RAB3B: variants seen among roughly 807,000 people sequenced by gnomAD.
RAB3B encodes the protein RAB3B, member RAS oncogene family.
A neutral mutation model predicts 20.5 loss-of-function variants in RAB3B; 11 were observed. That is an observed-to-expected ratio of 0.54 (90% confidence interval 0.34 to 0.89). The LOEUF is 0.89. Among genes scored for constraint, RAB3B ranks in the 40% least tolerant of loss-of-function variants. The probability of loss-of-function intolerance (pLI) is 0.02; values close to 1 mark genes in which losing one functional copy is unlikely to be tolerated. For synonymous variants in RAB3B, 99 were observed against 106.3 expected (o/e 0.93, Z 0.42); for missense variants, 225 against 280.9 (o/e 0.80, Z 1.42).
intron 2 of RAB3B, among the ~76,000 whole-genome samples, chr1:51,950,257 G>A (rs949971581): frequency 1.3e-5 from 2 of 152,208 alleles, no homozygotes; most frequent in Admixed American, 6.5e-5. Context: ...TGAAGGTGGG[G>A]TTTCATCAGG....
chr1:51,983,828 C>T (rs199685413), intron 1 of RAB3B, among the ~76,000 whole-genome samples: 4 of 149,184 alleles, frequency 2.7e-5, no homozygotes, highest in South Asian at 2.1e-4. Flanking sequence ...GGTGTGGTGG[C>T]GCACACCTGT....
At chr1:51,953,392 G>A (rs917653144) in intron 2 of RAB3B, among the ~76,000 whole-genome samples, 1 of 152,196 alleles carries the variant, frequency 6.6e-6, no homozygotes, top group Admixed American at 6.5e-5. Flanking sequence ...CATGAAACAT[G>A]ATTATACTTA....
At chr1:51,984,263 T>TAAAAAAAAA (rs1166997647) in intron 1 of RAB3B, among the ~76,000 whole-genome samples, 4 of 20,676 alleles carry the variant, frequency 1.9e-4, no homozygotes, top group African/African-American at 7.2e-4. Context: ...ACTCTCTAAT[T>TAAAAAAAAA]AAAAAAAAAA....
intron 1 of RAB3B, among the ~76,000 whole-genome samples, chr1:51,984,358 C>T (rs1685126882): frequency 7.0e-6 from 1 of 143,474 alleles, no homozygotes; most frequent in South Asian, 2.2e-4. Context: ...CATTATATTC[C>T]ATCCTATAGA....
intron 2 of RAB3B, among the ~76,000 whole-genome samples, chr1:51,949,197 A>G (rs1684602718): frequency 6.6e-6 from 1 of 152,208 alleles, no homozygotes; most frequent in Non-Finnish European, 1.5e-5. Flanking sequence ...CCAAACACGC[A>G]GCTCCTTCGC....
intron 2 of RAB3B, among the ~76,000 whole-genome samples, chr1:51,958,224 A>T (rs968103975): frequency 6.6e-6 from 1 of 152,198 alleles, no homozygotes; most frequent in Non-Finnish European, 1.5e-5. Flanking sequence ...CAAGGGAATG[A>T]GTCCCAAAAG....
At chr1:51,935,055 G>A (rs541950491) in intron 3 of RAB3B, among the ~76,000 whole-genome samples, 4 of 152,182 alleles carry the variant, frequency 2.6e-5, no homozygotes, top group South Asian at 4.2e-4. Flanking sequence ...GGCAAGGACC[G>A]GCCTATTCAT....
At chr1:51,929,766 A>T (rs1401445803) in intron 4 of RAB3B, among the ~76,000 whole-genome samples, 1 of 152,090 alleles carries the variant, frequency 6.6e-6, no homozygotes, top group African/African-American at 2.4e-5. Flanking sequence ...TATTTGCACA[A>T]TTTTTAATTA....
chr1:51,937,790 C>T (rs1008954648), intron 2 of RAB3B, among the ~76,000 whole-genome samples: 3 of 152,040 alleles, frequency 2.0e-5, no homozygotes, highest in Non-Finnish European at 2.9e-5. Flanking sequence ...AGCCACCGCG[C>T]CCAACCCAAG....
At chr1:51,982,902 T>G (rs371622090) in intron 1 of RAB3B, among the ~76,000 whole-genome samples, 2 of 152,304 alleles carry the variant, frequency 1.3e-5, no homozygotes, top group East Asian at 3.9e-4. Flanking sequence ...GTAGCCTAAG[T>G]GTAGAGTGTT....
chr1:51,914,737 G>A lies in RAB3B; in HGVS notation c.*5190C>T, dbSNP rs1684057753. On this transcript the variant is annotated 3_prime_UTR_variant, in exon 5 of 5. Transcript: ENST00000371655. ...ATGGCAGGTAATTGGGTGTAGGCTT[G>A]GGGCAGGGAATCTGAAATCAATGAG... 1.3e-5 allele frequency: 2 copies of A among 152,000 alleles called. No homozygotes were observed. Among genetic ancestry groups the A allele is most frequent in the Admixed American group, 1.3e-4 (2 of 15,262 alleles). 9.4% of individuals were successfully genotyped at this position (152,000 alleles called of 1,614,324 possible).
At chr1:51,940,300 T>A (rs12022580) in intron 2 of RAB3B, among the ~76,000 whole-genome samples, 2,662 of 152,242 alleles carry the variant, frequency 0.017, 72 homozygotes, top group East Asian at 0.094. Context: ...TGAGGTAATA[T>A]GTCATCAGCA....
intron 4 of RAB3B, among the ~76,000 whole-genome samples, chr1:51,929,009 T>G (rs1684286147): frequency 6.6e-6 from 1 of 152,208 alleles, no homozygotes; most frequent in Admixed American, 6.5e-5. Flanking sequence ...CATTCCCTCC[T>G]TTAGGAAACC....
At chr1:51,973,723 A>T (rs9436909) in intron 2 of RAB3B, among the ~76,000 whole-genome samples, 5,455 of 152,316 alleles carry the variant, frequency 0.036, 122 homozygotes, top group Non-Finnish European at 0.043. Context: ...AAACTAGACC[A>T]TGTAATCAAT....
intron 2 of RAB3B, among the ~76,000 whole-genome samples, chr1:51,973,745 C>A (rs997262661): frequency 6.6e-6 from 1 of 152,164 alleles, no homozygotes. Flanking sequence ...AATCCACTTA[C>A]CCAGGCACAA....
chr1:51,933,628 A>G (rs1196033127), intron 3 of RAB3B, among the ~76,000 whole-genome samples, 186 bp from the exon 4 acceptor site: 1 of 152,156 alleles, frequency 6.6e-6, no homozygotes, highest in African/African-American at 2.4e-5. Context: ...AAGAAGAGAA[A>G]GAGGCTAGAG....
intron 1 of RAB3B, among the ~76,000 whole-genome samples, chr1:51,986,947 G>C (rs549748970): frequency 3.9e-5 from 6 of 152,228 alleles, no homozygotes; most frequent in Non-Finnish European, 7.3e-5. Context: ...GCATTTGTAA[G>C]ATAAGCATCA....
At chr1:51,973,369 G>A (rs1026549342) in intron 2 of RAB3B, 3 of 152,050 alleles carry the variant, frequency 2.0e-5, no homozygotes, top group Non-Finnish European at 4.4e-5. Flanking sequence ...AAAACCCTTT[G>A]CTAATTTTCC....
rs191825775 is a variant in RAB3B, at chr1:51,944,762, T to C, written c.229-7350A>G. ...AACGGATGCAGTTGCTTCTTACAGATGAGCGAAGAAAATGGTTTCTTGAGA... is the reference window on the plus strand; with the variant it reads ...AACGGATGCAGTTGCTTCTTACAGACGAGCGAAGAAAATGGTTTCTTGAGA... On this transcript the variant is annotated intron_variant, in intron 2 of 4. Transcript: ENST00000371655. Among the ~76,000 whole-genome samples the C allele has an allele frequency of 2.0e-5, 3 of 152,320 alleles. No individual in the cohort carries two copies. The East Asian group carries it at 5.8e-4, about 29-fold the overall frequency.
Sources: gnomAD v4.1 joint callset for allele counts (sites outside exome capture counted in the v4.1 genomes callset) on GRCh38, gnomAD v4.1.1 for gene constraint, MANE v1.5 for transcripts, NCBI Gene and HGNC (gene_info 2026-07-23, HGNC 2026-07-21) for gene names.